RWDD1: variants seen among roughly 807,000 people sequenced by gnomAD.
The protein encoded by RWDD1 is RWD domain-containing protein 1.
RWDD1 carries 17 observed loss-of-function variants against 31.6 expected under a neutral mutation model. The observed-to-expected ratio is 0.54, with a 90% confidence interval of 0.37 to 0.81. The LOEUF (loss-of-function observed/expected upper bound fraction) is 0.81, where lower values mean the gene tolerates loss of function less well. Ranked by LOEUF, RWDD1 falls within the 30% of genes least tolerant of loss-of-function variation. The pLI, the probability that RWDD1 is intolerant of heterozygous loss-of-function variation, is 0.00. For missense variants in RWDD1, 204 were observed against 274.5 expected (o/e 0.74, Z 1.82); for synonymous variants, 78 against 94.2 (o/e 0.83, Z 0.99).
chr6:116,574,025 T>C, intron 1 of RWDD1: 3 of 980,878 alleles, frequency 3.1e-6, no homozygotes, highest in Non-Finnish European at 3.6e-6. Context: ...TAACAAATCA[T>C]AATACAATTT....
intron 3 of RWDD1, among the ~76,000 whole-genome samples, chr6:116,586,613 A>C (rs902597550): frequency 2.0e-5 from 3 of 152,206 alleles, no homozygotes; most frequent in African/African-American, 7.2e-5. Flanking sequence ...ATTAGTATAT[A>C]ATTCTTTCAA....
chr6:116,595,444 A>G lies in RWDD1; in HGVS notation c.*2343A>G, dbSNP rs1333207946. 6 of 152,228 alleles carry G rather than the reference A, an allele frequency of 3.9e-5. No homozygotes were observed. Among genetic ancestry groups the G allele is most frequent in the African/African-American group, 1.2e-4 (5 of 41,472 alleles). The allele number at this position is 152,228 out of a possible 1,614,324, so 9.4% of individuals were successfully genotyped here. Reference sequence around the variant, plus strand: ...GTATTCTGGGAATTAGCCCAAGACTATGCTGCTCAAATGGGTGCAAATATA... The same window carrying G: ...GTATTCTGGGAATTAGCCCAAGACTGTGCTGCTCAAATGGGTGCAAATATA... On this transcript the variant is annotated 3_prime_UTR_variant, in exon 7 of 7. Transcript: ENST00000466444.
In RWDD1 at chr6:116,597,006, A is replaced by G. The variant is rs1353449750; in HGVS notation, c.*3905A>G. 6.6e-6 allele frequency: 1 copy of G among 152,174 alleles called. No individual in the cohort carries two copies. The highest frequency in any genetic ancestry group is 1.5e-5 in the Non-Finnish European group (1 of 68,036). 9.4% of individuals were successfully genotyped at this position (152,174 alleles called of 1,614,324 possible). ...GATTTCAGTAAGGCCCATTCCCAAC[A>G]TGAGTGCTGCTGTCCACGGTACTGA... is the stretch of plus-strand genomic sequence containing the variant. On this transcript the variant is annotated 3_prime_UTR_variant, in exon 7 of 7. Transcript: ENST00000466444.
chr6:116,578,122 C>T (rs1240421219), intron 1 of RWDD1, among the ~76,000 whole-genome samples: 1 of 152,208 alleles, frequency 6.6e-6, no homozygotes, highest in East Asian at 1.9e-4. Flanking sequence ...TGTTCAGTTA[C>T]TACCTGATAA....
chr6:116,582,646 T>C (rs1008512827), intron 2 of RWDD1, among the ~76,000 whole-genome samples: 3 of 152,200 alleles, frequency 2.0e-5, no homozygotes, highest in Middle Eastern at 3.4e-3. Flanking sequence ...TTATAAAATA[T>C]CTTCTTTCAT....
intron 2 of RWDD1, among the ~76,000 whole-genome samples, chr6:116,580,698 T>C (rs183110666): frequency 1.3e-5 from 2 of 152,290 alleles, no homozygotes; most frequent in East Asian, 3.9e-4. Context: ...GTGTGGTTCC[T>C]TTGAGTGACT....
chr6:116,576,901 G>A (rs968582411), intron 1 of RWDD1, among the ~76,000 whole-genome samples: 1 of 152,174 alleles, frequency 6.6e-6, no homozygotes, highest in Non-Finnish European at 1.5e-5. Flanking sequence ...GACTTGACCA[G>A]TAAGCAGGGA....
At chr6:116,573,761 A>T (rs1368816939) in intron 1 of RWDD1, among the ~76,000 whole-genome samples, 1 of 152,162 alleles carries the variant, frequency 6.6e-6, no homozygotes, top group African/African-American at 2.4e-5. Context: ...CTTCATTTTG[A>T]ATCACATTTA....
chr6:116,582,125 A>G (rs1043923441), intron 2 of RWDD1, among the ~76,000 whole-genome samples: 2 of 151,898 alleles, frequency 1.3e-5, no homozygotes, highest in East Asian at 3.9e-4. Context: ...TATTTTTAAG[A>G]TACTTAAAAT....
chr6:116,577,361 A>T (rs1396186974), intron 1 of RWDD1, among the ~76,000 whole-genome samples: 1 of 151,994 alleles, frequency 6.6e-6, no homozygotes. Flanking sequence ...AGAATTCCTT[A>T]AAAAGCTTAT....
At chr6:116,584,670 G>T in intron 2 of RWDD1, 57 bp from the exon 3 acceptor site, 1 of 1,494,766 alleles carries the variant, frequency 6.7e-7, no homozygotes, top group South Asian at 1.2e-5. Flanking sequence ...ATTCAGCAAA[G>T]ATATCTACCT....
Position 116,593,114 on chromosome 6 carries a change from AT to A in RWDD1, c.*14del. 1 of 1,606,254 alleles carries A rather than the reference AT, an allele frequency of 6.2e-7. No homozygotes were observed. Among genetic ancestry groups the A allele is most frequent in the Non-Finnish European group, 8.5e-7 (1 of 1,177,152 alleles). ...CTCAGCTGACTAATGGACTGTCCCC[AT>A]CTGCAGAGAGGCTTGACTGCCACAG... On this transcript the variant is annotated 3_prime_UTR_variant, in exon 7 of 7. Transcript: ENST00000466444.
intron 1 of RWDD1, among the ~76,000 whole-genome samples, chr6:116,577,812 C>T (rs1195981357): frequency 6.6e-6 from 1 of 152,104 alleles, no homozygotes; most frequent in Non-Finnish European, 1.5e-5. Flanking sequence ...CAATTCTGAT[C>T]ATATTATTGC....
In RWDD1 at chr6:116,592,993, G is replaced by A. The variant is rs1775175051; in HGVS notation, c.624G>A (p.Val208=). The A allele has an allele frequency of 6.2e-7, 1 of 1,610,832 alleles. No homozygotes were observed. The highest frequency in any genetic ancestry group is 1.3e-5 in the African/African-American group (1 of 74,434). Residue 208 remains valine, a synonymous_variant, in exon 7 of 7, where the codon GTG becomes GTA. Coordinates refer to ENST00000466444, the MANE Select transcript of RWDD1 (RefSeq NM_015952.4). ...IQFLEDAGNN[V]EVDESLFQEM... ...TGCCTTTTGCAGCTGGAAACAACGTGGAGGTAGATGAGTCTTTGTTCCAAG... is the reference window on the plus strand; with the variant it reads ...TGCCTTTTGCAGCTGGAAACAACGTAGAGGTAGATGAGTCTTTGTTCCAAG...
At position 116,580,376 on chromosome 6, in the gene RWDD1, A is replaced by G. The variant is rs1774927377; in HGVS notation, c.139+16A>G. ...AATGATGAAAGTAAGTCTTATAAAA[A>G]ATACTTGTGGTTTTTCTAAATTTCT... is the stretch of plus-strand genomic sequence containing the variant. On this transcript the variant is annotated intron_variant, in intron 2 of 6. Coordinates refer to ENST00000466444, the MANE Select transcript of RWDD1 (RefSeq NM_015952.4). 8 of 1,568,982 alleles carry G rather than the reference A, an allele frequency of 5.1e-6. No homozygotes were observed. The South Asian group carries it at 6.9e-5, about 14-fold the overall frequency.
Position 116,596,090 on chromosome 6 carries a change from G to A in RWDD1, c.*2989G>A, listed in dbSNP as rs916069751. ...AGTATTTGTGTGGCAGCCCTTTTAG[G>A]TGTAATGAAGTGTAACAGAAAAGTA... On this transcript the variant is annotated 3_prime_UTR_variant, in exon 7 of 7. Coordinates refer to ENST00000466444, the MANE Select transcript of RWDD1 (RefSeq NM_015952.4). The A allele has an allele frequency of 2.0e-5, 3 of 152,218 alleles. No individual in the cohort carries two copies. The highest frequency in any genetic ancestry group is 7.2e-5 in the African/African-American group (3 of 41,456). The allele number at this position is 152,218 out of a possible 1,614,324, so 9.4% of individuals were successfully genotyped here.
intron 6 of RWDD1, among the ~76,000 whole-genome samples, chr6:116,591,743 C>G (rs879748025): frequency 6.6e-6 from 1 of 152,248 alleles, no homozygotes; most frequent in Non-Finnish European, 1.5e-5. Flanking sequence ...TGATAGCACT[C>G]TAGAGTTCCG....
Position 116,584,870 on chromosome 6 carries a change from T to C in RWDD1, c.270+13T>C. Reference sequence around the variant, plus strand: ...ACTAGCATTACAGGTAAGGAAATAATAATTTTATGTTTTGTAGCAGCATTT... The same window carrying C: ...ACTAGCATTACAGGTAAGGAAATAACAATTTTATGTTTTGTAGCAGCATTT... On this transcript the variant is annotated intron_variant, in intron 3 of 6. Coordinates refer to ENST00000466444, the MANE Select transcript of RWDD1 (RefSeq NM_015952.4). 1 of 1,550,880 alleles carries C rather than the reference T, an allele frequency of 6.4e-7. No individual in the cohort carries two copies. Among genetic ancestry groups the C allele is most frequent in the African/African-American group, 1.4e-5 (1 of 73,324 alleles).
chr6:116,586,645 G>A (rs889756908), intron 3 of RWDD1, among the ~76,000 whole-genome samples: 7 of 152,056 alleles, frequency 4.6e-5, no homozygotes, highest in African/African-American at 1.7e-4. Context: ...ATCACTACTT[G>A]TAAGTCCTTA....
Sources: allele counts gnomAD v4.1 joint callset (sites outside exome capture counted in the v4.1 genomes callset), GRCh38; gene constraint gnomAD v4.1.1; transcripts MANE v1.5; gene names NCBI Gene and HGNC (gene_info 2026-07-23, HGNC 2026-07-21).